The following PACS1 variants were observed in gnomAD, a reference collection of about 807,000 sequenced individuals.
The protein encoded by PACS1 is phosphofurin acidic cluster sorting protein 1.
Under a neutral mutation model 115.0 loss-of-function variants are expected in PACS1, and 24 were observed. The ratio of observed to expected loss-of-function variants is 0.21; its 90% CI spans 0.15 to 0.29. The LOEUF is 0.29. PACS1 is among the 10% of genes least tolerant of loss of function. The pLI is 1.00. For synonymous variants in PACS1, 453 were observed against 504.5 expected (o/e 0.90, Z 1.37); for missense variants, 838 against 1,251.2 (o/e 0.67, Z 4.98).
chr11:66,237,092 T>C (rs1855720519), intron 19 of PACS1, among the ~76,000 whole-genome samples: 1 of 152,224 alleles, frequency 6.6e-6, no homozygotes, highest in East Asian at 1.9e-4. Flanking sequence ...CTAATTTTTG[T>C]ATTTTTAGTA....
chr11:66,077,044 A>G (rs1380756699), intron 1 of PACS1, among the ~76,000 whole-genome samples: 4 of 152,164 alleles, frequency 2.6e-5, no homozygotes, highest in African/African-American at 9.7e-5. Context: ...AGAGACCAAG[A>G]TATGCACCAG....
chr11:66,110,087 G>A (rs1321489505), intron 1 of PACS1, among the ~76,000 whole-genome samples: 5 of 152,038 alleles, frequency 3.3e-5, no homozygotes, highest in South Asian at 2.1e-4. Flanking sequence ...TACTTTAAAC[G>A]GATCTGGTGC....
At chr11:66,208,726 C>T (rs1178507948) in intron 2 of PACS1, among the ~76,000 whole-genome samples, 1 of 150,766 alleles carries the variant, frequency 6.6e-6, no homozygotes, top group Non-Finnish European at 1.5e-5. Context: ...AAATCATTCC[C>T]TCCAAGTTCA....
intron 22 of PACS1, among the ~76,000 whole-genome samples, chr11:66,241,945 T>C (rs950988227): frequency 2.0e-5 from 3 of 152,132 alleles, no homozygotes; most frequent in Non-Finnish European, 4.4e-5. Context: ...TTCTGGCCAC[T>C]GCTGTCCGGG....
chr11:66,238,429 T>C, intron 19 of PACS1: 1 of 783,506 alleles, frequency 1.3e-6, no homozygotes, highest in Non-Finnish European at 1.6e-6. Context: ...GGTTTTGTTG[T>C]TTTTTGTTTG....
chr11:66,177,410 C>T (rs1300047278), intron 1 of PACS1, among the ~76,000 whole-genome samples: 2 of 152,000 alleles, frequency 1.3e-5, no homozygotes, highest in African/African-American at 2.4e-5. Context: ...AAGCTGGTCT[C>T]GAACTCCTGA....
intron 2 of PACS1, among the ~76,000 whole-genome samples, chr11:66,195,617 C>T (rs1192441612): frequency 6.6e-6 from 1 of 151,982 alleles, no homozygotes; most frequent in East Asian, 1.9e-4. Flanking sequence ...TAAATTATAC[C>T]AAAACTACAA....
intron 2 of PACS1, among the ~76,000 whole-genome samples, chr11:66,207,748 G>A (rs1854976089): frequency 6.6e-6 from 1 of 151,968 alleles, no homozygotes; most frequent in Admixed American, 6.6e-5. Flanking sequence ...CTGGAGTGCA[G>A]TGATATAATC....
At chr11:66,120,968 G>A (rs980305356) in intron 1 of PACS1, 2 of 455,970 alleles carry the variant, frequency 4.4e-6, no homozygotes, top group African/African-American at 4.0e-5. Context: ...TTCCCACTGT[G>A]TGCGGGCCCT....
At chr11:66,207,054 T>C (rs1225755747) in intron 2 of PACS1, among the ~76,000 whole-genome samples, 2 of 152,240 alleles carry the variant, frequency 1.3e-5, no homozygotes, top group African/African-American at 4.8e-5. Flanking sequence ...GTGTCCCCAC[T>C]GTTTCCCTTC....
intron 1 of PACS1, among the ~76,000 whole-genome samples, chr11:66,132,667 C>T (rs1378189372): frequency 6.6e-6 from 1 of 152,064 alleles, no homozygotes; most frequent in South Asian, 2.1e-4. Context: ...CCTAAATATA[C>T]ATATAGGTAC....
chr11:66,076,164 T>G lies in PACS1; in HGVS notation c.356+5322T>G, dbSNP rs1323372504. On this transcript the variant is annotated intron_variant, in intron 1 of 23. Coordinates refer to ENST00000320580, the MANE Select transcript of PACS1 (RefSeq NM_018026.4). The stretch of plus-strand genomic sequence containing the variant: ...CGTCCCTGTGGAAGCTCAGATTACA[T>G]GAGTTAGAAAGATAATGACTTTCAC... Among the ~76,000 whole-genome samples the G allele has an allele frequency of 2.6e-5, 4 of 152,356 alleles. No individual in the cohort carries two copies. In the East Asian group the frequency reaches 7.7e-4, roughly 29 times the overall value.
chr11:66,096,395 T>G (rs1474492946), intron 1 of PACS1, among the ~76,000 whole-genome samples: 1 of 151,820 alleles, frequency 6.6e-6, no homozygotes, highest in Non-Finnish European at 1.5e-5. Context: ...TCTTTTTTAT[T>G]TCCAAGTATT....
chr11:66,079,818 T>TGCA (rs1857453414), intron 1 of PACS1, among the ~76,000 whole-genome samples: 1 of 152,224 alleles, frequency 6.6e-6, no homozygotes, highest in Admixed American at 6.5e-5. Context: ...TGCTAAACGA[T>TGCA]GCAGCCCCTT....
At chr11:66,200,588 A>G (rs561466400) in intron 2 of PACS1, among the ~76,000 whole-genome samples, 19 of 152,198 alleles carry the variant, frequency 1.2e-4, no homozygotes, top group Admixed American at 9.8e-4. Flanking sequence ...GGGTCAACTC[A>G]GCAAGAAGAT....
intron 2 of PACS1, among the ~76,000 whole-genome samples, chr11:66,203,126 A>G (rs1854855416): frequency 6.6e-6 from 1 of 152,192 alleles, no homozygotes; most frequent in Admixed American, 6.5e-5. Flanking sequence ...ACTTCACAAA[A>G]TAACTATTAG....
At chr11:66,123,757 G>A (rs1330419772) in intron 1 of PACS1, among the ~76,000 whole-genome samples, 4 of 151,710 alleles carry the variant, frequency 2.6e-5, no homozygotes, top group East Asian at 3.9e-4. Flanking sequence ...TCCTGACCTC[G>A]TGATCCACCC....
chr11:66,179,870 G>A (rs1426391214), intron 1 of PACS1, among the ~76,000 whole-genome samples: 1 of 152,072 alleles, frequency 6.6e-6, no homozygotes, highest in Non-Finnish European at 1.5e-5. Context: ...TATTTATTTT[G>A]AGACAGAGTC....
chr11:66,182,876 G>T (rs1021308680), intron 1 of PACS1, among the ~76,000 whole-genome samples: 3 of 152,160 alleles, frequency 2.0e-5, no homozygotes, highest in African/African-American at 7.2e-5. Context: ...TCACACCTGT[G>T]ATCCCAACAC....
Sources: allele counts gnomAD v4.1 joint callset (sites outside exome capture counted in the v4.1 genomes callset), GRCh38; gene constraint gnomAD v4.1.1; transcripts MANE v1.5; gene names NCBI Gene and HGNC (gene_info 2026-07-23, HGNC 2026-07-21).